The following SNX8 variants were observed in gnomAD, a reference collection of about 807,000 sequenced individuals.
The protein encoded by SNX8 is sorting nexin-8.
A neutral mutation model predicts 51.6 loss-of-function variants in SNX8; 25 were observed. The ratio of observed to expected loss-of-function variants is 0.48; its 90% confidence interval spans 0.35 to 0.68. The LOEUF (loss-of-function observed/expected upper bound fraction) is 0.68, where lower values mean the gene tolerates loss of function less well. Ranked by LOEUF, SNX8 falls within the 30% of genes least tolerant of loss-of-function variation. The pLI is 0.00. For synonymous variants in SNX8, 324 were observed against 277.0 expected, an observed-to-expected ratio of 1.17 and a Z score of -1.68; for missense variants, 695 against 624.0, an observed-to-expected ratio of 1.11 and a Z score of -1.21.
intron 1 of SNX8, among the ~76,000 whole-genome samples, chr7:2,298,961 G>A (rs1796333331): frequency 6.6e-6 from 1 of 152,126 alleles, no homozygotes; most frequent in African/African-American, 2.4e-5. Flanking sequence ...CTAAAGTGCT[G>A]GGATTACATG....
chr7:2,314,324 C>T lies in SNX8; in HGVS notation c.94+4G>A. On this transcript the variant is annotated splice_donor_region_variant and intron_variant, in intron 1 of 10. Coordinates refer to ENST00000222990, the MANE Select transcript of SNX8 (RefSeq NM_013321.4). ...GTGGGGGCTACCGCCGCCCCACGCCCTACCTGACGCCGGGGGATCCGCCTC... is the reference window on the plus strand; with the variant it reads ...GTGGGGGCTACCGCCGCCCCACGCCTTACCTGACGCCGGGGGATCCGCCTC... 8.2e-7 allele frequency: 1 copy of T among 1,222,330 alleles called. No homozygotes were observed. The highest frequency in any genetic ancestry group is 3.2e-5 in the East Asian group (1 of 30,930). The allele number at this position is 1,222,330 out of a possible 1,614,324, so 75.7% of individuals were successfully genotyped here.
In SNX8 at chr7:2,321,383, C is replaced by G. The variant is rs371756499; in HGVS notation, c.-66+32839G>C. Among the ~76,000 whole-genome samples, 13 of 152,092 alleles carry G rather than the reference C, an allele frequency of 8.5e-5. No individual in the cohort carries two copies. In the East Asian group the frequency reaches 1.9e-3, roughly 23 times the overall value. ...TTCAGCAGATCCTCCCCACAGAATA[C>G]TATTCCTGCGTATTCAGGGAACTGT... On this transcript the variant is annotated intron_variant, in intron 1 of 5. Coordinates refer to the SNX8 transcript ENST00000435336.
chr7:2,327,646 A>G (rs1229321272), intron 1 of SNX8, among the ~76,000 whole-genome samples: 1 of 151,030 alleles, frequency 6.6e-6, no homozygotes, highest in Admixed American at 6.6e-5. Context: ...TGACCTCATG[A>G]TCCGCCCGCC....
At chr7:2,274,414 C>T (rs558470095) in intron 3 of SNX8, among the ~76,000 whole-genome samples, 6 of 152,354 alleles carry the variant, frequency 3.9e-5, no homozygotes, top group South Asian at 2.1e-4. Flanking sequence ...CACTCATTTC[C>T]CCAGCATGTT....
chr7:2,351,554 CA>C (rs1199429546), intron 1 of SNX8, among the ~76,000 whole-genome samples: 1 of 149,584 alleles, frequency 6.7e-6, no homozygotes, highest in African/African-American at 2.5e-5. Context: ...AATAATAGGC[CA>C]GGCGCAGTGG....
intron 1 of SNX8, among the ~76,000 whole-genome samples, chr7:2,296,877 C>A (rs1796284868): frequency 6.6e-6 from 1 of 151,814 alleles, no homozygotes; most frequent in African/African-American, 2.4e-5. Flanking sequence ...TTGCAGTGAG[C>A]TGAGATCACG....
At chr7:2,298,729 TC>T in intron 1 of SNX8, among the ~76,000 whole-genome samples, 1 of 151,676 alleles carries the variant, frequency 6.6e-6, no homozygotes, top group Admixed American at 6.6e-5. Context: ...TCTTGCTCTG[TC>T]CCCCAGCCTG....
At chr7:2,303,978 A>T (rs35205605) in intron 1 of SNX8, among the ~76,000 whole-genome samples, 48,480 of 148,906 alleles carry the variant, frequency 0.33, 9,081 homozygotes, top group East Asian at 0.53. Flanking sequence ...AATAAAAAAT[A>T]AAAAAAAATA....
At chr7:2,268,604 G>A (rs1169100108) in intron 5 of SNX8, among the ~76,000 whole-genome samples, 9 of 138,888 alleles carry the variant, frequency 6.5e-5, no homozygotes, top group East Asian at 4.6e-4. Flanking sequence ...AGGTGGGGGG[G>A]TCAGCCCTCC....
At chr7:2,293,438 G>GA (rs1796198340) in intron 1 of SNX8, among the ~76,000 whole-genome samples, 2 of 151,798 alleles carry the variant, frequency 1.3e-5, no homozygotes, top group Admixed American at 1.3e-4. Context: ...GGTGGATCAT[G>GA]AGGTCAGGAG....
intron 1 of SNX8, among the ~76,000 whole-genome samples, chr7:2,326,192 CT>C (rs1437422178): frequency 6.6e-6 from 1 of 151,432 alleles, no homozygotes; most frequent in African/African-American, 2.4e-5. Context: ...AGTGAGACCC[CT>C]GTCTCTACAA....
chr7:2,348,893 G>A (rs2115252572), intron 1 of SNX8, among the ~76,000 whole-genome samples: 1 of 145,778 alleles, frequency 6.9e-6, no homozygotes, highest in East Asian at 2.0e-4. Context: ...CGGAGTTACA[G>A]TGAGCAGAGA....
At chr7:2,336,723 A>G in intron 1 of SNX8, among the ~76,000 whole-genome samples, 1 of 151,396 alleles carries the variant, frequency 6.6e-6, no homozygotes, top group South Asian at 2.1e-4. Flanking sequence ...ATAAATAAAT[A>G]AGCCTGGGCA....
At chr7:2,340,220 G>A (rs1778896239) in intron 1 of SNX8, among the ~76,000 whole-genome samples, 1 of 151,626 alleles carries the variant, frequency 6.6e-6, no homozygotes, top group Non-Finnish European at 1.5e-5. Flanking sequence ...GCGCCACCAT[G>A]CCCGGCTAAT....
intron 1 of SNX8, among the ~76,000 whole-genome samples, chr7:2,289,339 T>C (rs1432378729): frequency 6.6e-6 from 1 of 152,226 alleles, no homozygotes; most frequent in Non-Finnish European, 1.5e-5. Flanking sequence ...CAAGTGAAAT[T>C]GCTGGATCAC....
intron 1 of SNX8, among the ~76,000 whole-genome samples, chr7:2,285,647 T>C (rs1029507632): frequency 2.6e-5 from 4 of 151,960 alleles, no homozygotes; most frequent in African/African-American, 7.3e-5. Context: ...CTAACTGCCA[T>C]ACAGGTCTCA....
chr7:2,325,425 G>A (rs1400856444), intron 1 of SNX8, among the ~76,000 whole-genome samples: 2 of 152,198 alleles, frequency 1.3e-5, no homozygotes, highest in African/African-American at 2.4e-5. Flanking sequence ...AATGAGGAAC[G>A]TGGTATAGAA....
At chr7:2,305,092 C>G (rs1480518715) in intron 1 of SNX8, among the ~76,000 whole-genome samples, 1 of 152,084 alleles carries the variant, frequency 6.6e-6, no homozygotes, top group Non-Finnish European at 1.5e-5. Context: ...GGTGGGTCAC[C>G]GAAACAGCTG....
intron 1 of SNX8, among the ~76,000 whole-genome samples, chr7:2,347,370 C>T (rs1452538189): frequency 1.3e-5 from 2 of 150,066 alleles, no homozygotes; most frequent in African/African-American, 4.9e-5. Context: ...AGTCCTCAAT[C>T]CTCAGGAGGC....
Sources: allele counts gnomAD v4.1 joint callset (sites outside exome capture counted in the v4.1 genomes callset), GRCh38; gene constraint gnomAD v4.1.1; transcripts MANE v1.5; gene names NCBI Gene and HGNC (gene_info 2026-07-23, HGNC 2026-07-21).